Variants in CSMD2 observed in about 807,000 individuals in gnomAD.
The protein encoded by CSMD2 is CUB and sushi domain-containing protein 2.
A neutral mutation model predicts 398.5 loss-of-function variants in CSMD2; 130 were observed. The ratio of observed to expected loss-of-function variants is 0.33; its 90% CI spans 0.28 to 0.38. The LOEUF (loss-of-function observed/expected upper bound fraction) is 0.38, where lower values mean the gene tolerates loss of function less well. Ranked by LOEUF, CSMD2 falls within the 10% of genes least tolerant of loss-of-function variation. The probability of loss-of-function intolerance (pLI) is 1.00; values close to 1 mark genes in which losing one functional copy is unlikely to be tolerated. For missense variants in CSMD2, 3,829 were observed against 4,764.9 expected, an observed-to-expected ratio of 0.80 and a Z score of 5.78; for synonymous variants, 1,828 against 1,908.5, an observed-to-expected ratio of 0.96 and a Z score of 1.10.
intron 25 of CSMD2, among the ~76,000 whole-genome samples, chr1:33,682,322 C>G (rs1644933804): frequency 6.6e-6 from 1 of 152,186 alleles, no homozygotes; most frequent in South Asian, 2.1e-4. Flanking sequence ...TTTAATCACA[C>G]CTGCAGAGAC....
chr1:33,866,009 C>T (rs1640004975), intron 5 of CSMD2, among the ~76,000 whole-genome samples: 1 of 152,130 alleles, frequency 6.6e-6, no homozygotes, highest in African/African-American at 2.4e-5. Context: ...TTTTTTGTCA[C>T]CAGTTTATAC....
intron 41 of CSMD2, among the ~76,000 whole-genome samples, chr1:33,608,057 C>T (rs1412937389): frequency 6.6e-6 from 1 of 152,136 alleles, no homozygotes; most frequent in African/African-American, 2.4e-5. Context: ...GTTGGCTTGT[C>T]GTCCAGGAAA....
intron 5 of CSMD2, among the ~76,000 whole-genome samples, chr1:33,854,255 C>A (rs573925922): frequency 6.6e-6 from 1 of 152,342 alleles, no homozygotes; most frequent in Admixed American, 6.5e-5. Flanking sequence ...TATGAGCTCC[C>A]TGAAGACAGG....
rs147995988 is a variant in CSMD2 at position 33,687,141 on chromosome 1, C to T, written c.4052+5789G>A. Among the ~76,000 whole-genome samples, 385 of 152,242 alleles carry T rather than the reference C, an allele frequency of 2.5e-3. 1 individual carries two copies. The highest frequency in any genetic ancestry group is 8.9e-3 in the African/African-American group (369 of 41,542). ...CAGGTAGGCTGGTACCAGAGTCCAG[C>T]GCTTAGCTATGACTTGATAGTGAAT... On this transcript the variant is annotated intron_variant, in intron 25 of 70. Transcript: ENST00000373381.
chr1:34,115,244 A>G (rs901211029), intron 1 of CSMD2, among the ~76,000 whole-genome samples: 1 of 152,188 alleles, frequency 6.6e-6, no homozygotes, highest in African/African-American at 2.4e-5. Context: ...AATCCAAAGT[A>G]AAGAAGCTTA....
At position 34,100,859 on chromosome 1, in the gene CSMD2, G is replaced by A. The variant is rs555387212; in HGVS notation, c.188-11666C>T. On this transcript the variant is annotated intron_variant, in intron 1 of 70. Transcript: ENST00000373381. The stretch of plus-strand genomic sequence containing the variant: ...CCACGGCCAGAGTCCCAGAATAAAT[G>A]TTCCCCTATACAGTAACTGCCTCCA... 5.9e-5 allele frequency among the ~76,000 whole-genome samples: 9 copies of A among 152,322 alleles called. No individual in the cohort carries two copies. In the South Asian group the frequency reaches 1.7e-3, roughly 28 times the overall value.
At chr1:33,536,378 C>A (rs1655786570) in intron 62 of CSMD2, among the ~76,000 whole-genome samples, 1 of 152,206 alleles carries the variant, frequency 6.6e-6, no homozygotes, top group Non-Finnish European at 1.5e-5. Flanking sequence ...CGCCCGCCAC[C>A]ATGCCCGGCT....
chr1:33,582,242 A>G (rs1638776483), intron 47 of CSMD2, among the ~76,000 whole-genome samples: 2 of 152,188 alleles, frequency 1.3e-5, no homozygotes, highest in Admixed American at 6.5e-5. Flanking sequence ...CATAATTACT[A>G]AAATGGGAAG....
intron 4 of CSMD2, among the ~76,000 whole-genome samples, chr1:33,919,137 G>A (rs1006050452): frequency 3.3e-5 from 5 of 152,334 alleles, no homozygotes; most frequent in Middle Eastern, 3.4e-3. Flanking sequence ...AGCTAAGGTC[G>A]TGTGGAGGGT....
chr1:33,940,732 TA>T (rs1370188915), intron 3 of CSMD2, among the ~76,000 whole-genome samples: 1 of 152,200 alleles, frequency 6.6e-6, no homozygotes, highest in African/African-American at 2.4e-5. Context: ...GGGTGCTTAA[TA>T]AACAAGAGTT....
intron 1 of CSMD2, among the ~76,000 whole-genome samples, chr1:34,151,166 T>C (rs1350047704): frequency 6.6e-6 from 1 of 152,156 alleles, no homozygotes; most frequent in African/African-American, 2.4e-5. Flanking sequence ...CCTCTCCCCC[T>C]CTGCTGTGCT....
chr1:33,781,862 T>C (rs1652809572), intron 12 of CSMD2, among the ~76,000 whole-genome samples: 1 of 152,008 alleles, frequency 6.6e-6, no homozygotes, highest in Non-Finnish European at 1.5e-5. Context: ...CTCAGAGTGC[T>C]CAGATATTGA....
At chr1:33,614,315 T>C (rs1167023339) in intron 40 of CSMD2, among the ~76,000 whole-genome samples, 189 bp downstream of exon 40, 2 of 152,166 alleles carry the variant, frequency 1.3e-5, no homozygotes, top group African/African-American at 2.4e-5. Flanking sequence ...CTCCCCCCTA[T>C]ATGTTAATCT....
intron 56 of CSMD2, 78 bp from the exon 57 acceptor site, chr1:33,546,297 G>A (rs1215578884): frequency 2.8e-6 from 4 of 1,439,092 alleles, no homozygotes; most frequent in African/African-American, 2.8e-5. Context: ...GAAAGATACT[G>A]GGATGGGACT....
chr1:33,607,102 G>C (rs1280745440), intron 41 of CSMD2, among the ~76,000 whole-genome samples: 1 of 152,188 alleles, frequency 6.6e-6, no homozygotes, highest in Non-Finnish European at 1.5e-5. Context: ...CATTAATAAT[G>C]ATGATGCCTA....
In CSMD2 at chr1:33,636,446, T is replaced by C; in HGVS notation, c.4883A>G (p.Tyr1628Cys). 6.2e-7 allele frequency: 1 copy of C among 1,614,160 alleles called. No homozygotes were observed. The highest frequency in any genetic ancestry group is 8.5e-7 in the Non-Finnish European group (1 of 1,180,020). Residue 1628 changes from tyrosine to cysteine, a missense_variant, in exon 30 of 71, where the codon TAC (tyrosine) becomes TGC (cysteine). Coordinates refer to ENST00000373381, the MANE Select transcript of CSMD2 (RefSeq NM_001281956.2). The surrounding 1 kb of genome is among the most constrained non-coding windows in gnomAD (Gnocchi z 4.8). ...CAGGGTCGAGGTGCCCTCAACTTCGTAGCCCCCGTGGCAGTAGTAGGTGAC... is the reference window on the plus strand; with the variant it reads ...CAGGGTCGAGGTGCCCTCAACTTCGCAGCCCCCGTGGCAGTAGTAGGTGAC... Reference protein sequence around the residue: ...SSVTYYCHGGYEVEGTSTLSC... With the variant: ...SSVTYYCHGGCEVEGTSTLSC...
At chr1:33,928,010 TC>T (rs1295039385) in intron 4 of CSMD2, among the ~76,000 whole-genome samples, 1 of 152,174 alleles carries the variant, frequency 6.6e-6, no homozygotes, top group Non-Finnish European at 1.5e-5. Flanking sequence ...AGACTGCCAG[TC>T]CCTGACTGGT....
chr1:33,696,362 C>T (rs1645418403), intron 24 of CSMD2, among the ~76,000 whole-genome samples: 1 of 152,192 alleles, frequency 6.6e-6, no homozygotes, highest in African/African-American at 2.4e-5. Context: ...TGGTTTCACA[C>T]AGGACCACTA....
chr1:34,088,165 T>C (rs1427595169), intron 2 of CSMD2, among the ~76,000 whole-genome samples: 2 of 152,240 alleles, frequency 1.3e-5, no homozygotes, highest in African/African-American at 2.4e-5. Context: ...CACTCATTAG[T>C]GCATCATGTC....
Sources: gnomAD v4.1 joint callset for allele counts (sites outside exome capture counted in the v4.1 genomes callset) on GRCh38, gnomAD v4.1.1 for gene constraint, Gnocchi (gnomAD v3.1) non-coding constraint, MANE v1.5 for transcripts, NCBI Gene and HGNC (gene_info 2026-07-23, HGNC 2026-07-21) for gene names.